Variants in HS6ST3 observed in about 807,000 individuals in gnomAD.
The protein encoded by HS6ST3 is heparan-sulfate 6-O-sulfotransferase 3.
Under a neutral mutation model 36.7 loss-of-function variants are expected in HS6ST3, and 12 were observed. That is an observed-to-expected ratio of 0.33 (90% CI 0.21 to 0.53). The LOEUF (loss-of-function observed/expected upper bound fraction) is 0.53. HS6ST3 is among the 20% of genes least tolerant of loss of function. The probability of loss-of-function intolerance (pLI) is 0.95; values close to 1 mark genes in which losing one functional copy is unlikely to be tolerated. For synonymous variants in HS6ST3, 240 were observed against 257.5 expected, an observed-to-expected ratio of 0.93 and a Z score of 0.65; for missense variants, 584 against 640.9, an observed-to-expected ratio of 0.91 and a Z score of 0.96.
At chr13:96,791,868 A>T (rs1351690266) in intron 1 of HS6ST3, among the ~76,000 whole-genome samples, 1 of 152,050 alleles carries the variant, frequency 6.6e-6, no homozygotes, top group Non-Finnish European at 1.5e-5. Flanking sequence ...TGATTAATGT[A>T]ATAGTTTTAT....
At chr13:96,162,496 C>G (rs1433482135) in intron 1 of HS6ST3, among the ~76,000 whole-genome samples, 1 of 152,090 alleles carries the variant, frequency 6.6e-6, no homozygotes, top group Non-Finnish European at 1.5e-5. Context: ...GAGAAACATC[C>G]CTGTGGACAT....
At chr13:96,376,267 G>T (rs1015500600) in intron 1 of HS6ST3, among the ~76,000 whole-genome samples, 3 of 152,070 alleles carry the variant, frequency 2.0e-5, no homozygotes, top group Non-Finnish European at 4.4e-5. Flanking sequence ...CTAGCATTTG[G>T]GCTTTTCATG....
At chr13:96,564,913 C>T (rs540473815) in intron 1 of HS6ST3, among the ~76,000 whole-genome samples, 1 of 152,270 alleles carries the variant, frequency 6.6e-6, no homozygotes, top group African/African-American at 2.4e-5. Context: ...TTCTCTTTCA[C>T]CTGTGTCTTT....
chr13:96,363,903 C>T (rs1047091289), intron 1 of HS6ST3, among the ~76,000 whole-genome samples: 6 of 151,900 alleles, frequency 3.9e-5, no homozygotes, highest in Non-Finnish European at 8.8e-5. Context: ...CGCTATTTCT[C>T]TCCTTTGTTG....
At chr13:96,568,806 A>G (rs913846030) in intron 1 of HS6ST3, among the ~76,000 whole-genome samples, 7 of 152,208 alleles carry the variant, frequency 4.6e-5, no homozygotes, top group Admixed American at 1.3e-4. Context: ...GGACATCTCA[A>G]ATAACACTTG....
In HS6ST3 at chr13:96,333,104, A is replaced by AT. The variant is rs1307634161; in HGVS notation, c.707+241539dup. Reference sequence around the variant, plus strand: ...GTTTATAAGCTACTCAGCCTTTGAGATTTTGTTATAGCAGTGCGAATGGAC... The same window carrying AT: ...GTTTATAAGCTACTCAGCCTTTGAGATTTTTGTTATAGCAGTGCGAATGGAC... On this transcript the variant is annotated intron_variant, in intron 1 of 1. Coordinates refer to ENST00000376705, the MANE Select transcript of HS6ST3 (RefSeq NM_153456.4). 5.3e-5 allele frequency among the ~76,000 whole-genome samples: 8 copies of AT among 152,328 alleles called. No homozygotes were observed. The East Asian group carries it at 1.5e-3, about 29-fold the overall frequency.
At chr13:96,546,089 T>C (rs2056196647) in intron 1 of HS6ST3, among the ~76,000 whole-genome samples, 1 of 152,178 alleles carries the variant, frequency 6.6e-6, no homozygotes, top group Admixed American at 6.6e-5. Flanking sequence ...AGTTATTTAG[T>C]AACAGTGGTG....
intron 1 of HS6ST3, among the ~76,000 whole-genome samples, chr13:96,762,936 TC>T (rs1877005155): frequency 6.6e-6 from 1 of 152,180 alleles, no homozygotes; most frequent in African/African-American, 2.4e-5. Context: ...CCATTTTTAT[TC>T]CTTAAATTTC....
At chr13:96,225,280 A>G (rs1240512995) in intron 1 of HS6ST3, among the ~76,000 whole-genome samples, 2 of 152,218 alleles carry the variant, frequency 1.3e-5, no homozygotes, top group Non-Finnish European at 2.9e-5. Flanking sequence ...TGCCATTACT[A>G]TAAGTCACCT....
chr13:96,351,335 T>TTTTTTTTTTAAAA (rs1203595829), intron 1 of HS6ST3, among the ~76,000 whole-genome samples: 6 of 146,406 alleles, frequency 4.1e-5, no homozygotes, highest in East Asian at 2.0e-4. Flanking sequence ...TTTTTTTTTT[T>TTTTTTTTTTAAAA]AAAAAAAACA....
intron 1 of HS6ST3, among the ~76,000 whole-genome samples, chr13:96,478,151 G>A (rs1029460276): frequency 2.0e-5 from 3 of 152,194 alleles, no homozygotes; most frequent in African/African-American, 7.2e-5. Context: ...AACAGTGGGA[G>A]CTCAATCAAT....
chr13:96,548,952 C>G (rs958603466), intron 1 of HS6ST3, among the ~76,000 whole-genome samples: 1 of 152,156 alleles, frequency 6.6e-6, no homozygotes, highest in Non-Finnish European at 1.5e-5. Context: ...ACTCCATGAC[C>G]CAGTCAAATT....
chr13:96,827,386 A>G (rs1046501434), intron 1 of HS6ST3, among the ~76,000 whole-genome samples: 6 of 152,238 alleles, frequency 3.9e-5, no homozygotes, highest in Admixed American at 6.5e-5. Context: ...CTGTCTATGC[A>G]TATGAGATGG....
chr13:96,417,949 G>C (rs552562222), intron 1 of HS6ST3, among the ~76,000 whole-genome samples: 1 of 151,968 alleles, frequency 6.6e-6, no homozygotes, highest in African/African-American at 2.4e-5. Context: ...AATAACACAC[G>C]TGGACATTTC....
intron 1 of HS6ST3, among the ~76,000 whole-genome samples, chr13:96,240,783 C>G (rs1378084764): frequency 6.6e-6 from 1 of 152,172 alleles, no homozygotes; most frequent in Admixed American, 6.5e-5. Context: ...GGACATGATC[C>G]AGTTTTATTT....
At chr13:96,560,890 A>G (rs1221453102) in intron 1 of HS6ST3, among the ~76,000 whole-genome samples, 1 of 152,208 alleles carries the variant, frequency 6.6e-6, no homozygotes, top group African/African-American at 2.4e-5. Context: ...ATCATAGATT[A>G]CCCAAACAAA....
chr13:96,395,027 T>G, intron 1 of HS6ST3, among the ~76,000 whole-genome samples: 1 of 152,162 alleles, frequency 6.6e-6, no homozygotes, highest in East Asian at 1.9e-4. Flanking sequence ...ATCTTTCTAT[T>G]AAGGCTTCAT....
chr13:96,362,474 G>A (rs948530423), intron 1 of HS6ST3, among the ~76,000 whole-genome samples: 1 of 152,066 alleles, frequency 6.6e-6, no homozygotes, highest in Non-Finnish European at 1.5e-5. Context: ...TTTAAAGTCC[G>A]AGGTAGATAT....
At chr13:96,300,047 CTTTTTTTTTT>C (rs11350737) in intron 1 of HS6ST3, among the ~76,000 whole-genome samples, 13 of 74,522 alleles carry the variant, frequency 1.7e-4, no homozygotes, top group South Asian at 5.7e-4. Context: ...AAGTGCTACA[CTTTTTTTTTT>C]TTTTTTTTTT....
Sources: gnomAD v4.1 joint callset for allele counts (sites outside exome capture counted in the v4.1 genomes callset) on GRCh38, gnomAD v4.1.1 for gene constraint, MANE v1.5 for transcripts, NCBI Gene and HGNC (gene_info 2026-07-23, HGNC 2026-07-21) for gene names.